The following RNF111 variants were observed in gnomAD, a reference collection of about 807,000 sequenced individuals.
RNF111 encodes the protein E3 ubiquitin-protein ligase Arkadia.
In RNF111, 17 loss-of-function variants were observed where a neutral mutation model predicts 95.1. The ratio of observed to expected loss-of-function variants is 0.18; its 90% CI spans 0.12 to 0.27. The LOEUF (loss-of-function observed/expected upper bound fraction) is 0.27. Ranked by LOEUF, RNF111 falls within the 10% of genes least tolerant of loss-of-function variation. RNF111 has a pLI of 1.00. For missense variants in RNF111, 1,189 were observed against 1,210.4 expected (o/e 0.98, Z 0.26); for synonymous variants, 440 against 414.8 (o/e 1.06, Z -0.74).
intron 2 of RNF111, among the ~76,000 whole-genome samples, chr15:59,036,556 A>C (rs1379735378): frequency 3.3e-5 from 5 of 152,154 alleles, no homozygotes; most frequent in Non-Finnish European, 7.4e-5. Flanking sequence ...TACCGTGAGA[A>C]CATGGTATGT....
In RNF111 at chr15:59,076,072, T is replaced by C; in HGVS notation, c.1805T>C (p.Phe602Ser). The change falls in exon 7 of 14, where the codon TTT (phenylalanine) becomes TCT (serine). Residue 602 changes from phenylalanine to serine, a missense_variant. By Grantham distance (155) the Phe-to-Ser change is radical. Coordinates refer to ENST00000348370, the MANE Select transcript of RNF111 (RefSeq NM_017610.8). ...CPVSSSRAAI[F>S]GHQAAAAAPS... is the part of the protein sequence containing the mutation. ...GTTTCTTCCTCCCGAGCTGCAATCT[T>C]TGGCCATCAGGCCGCTGCTGCTGCC... is the stretch of plus-strand genomic sequence containing the variant. The C allele has an allele frequency of 6.2e-7, 1 of 1,614,252 alleles. No individual in the cohort carries two copies.
rs2040371637 is a variant in RNF111, at chr15:59,022,070, G to T, written c.-19-8734G>T. Among the ~76,000 whole-genome samples, 4 of 152,036 alleles carry T rather than the reference G, an allele frequency of 2.6e-5. No homozygotes were observed. The South Asian group carries it at 8.3e-4, about 31-fold the overall frequency. On this transcript the variant is annotated intron_variant, in intron 1 of 13. Transcript: ENST00000348370. Reference sequence around the variant, plus strand: ...AGACGGGGTATCACCATGTTGGCCAGGCTGGACTCGAACTCCTGACCTAAA... The same window carrying T: ...AGACGGGGTATCACCATGTTGGCCATGCTGGACTCGAACTCCTGACCTAAA...
At chr15:59,066,238 C>T (rs1170129348) in intron 5 of RNF111, among the ~76,000 whole-genome samples, 2 of 152,178 alleles carry the variant, frequency 1.3e-5, no homozygotes, top group African/African-American at 4.8e-5. Context: ...TAAATATGAG[C>T]CTCCTGAAGA....
chr15:59,018,301 C>T (rs576688273), intron 1 of RNF111, among the ~76,000 whole-genome samples: 2 of 152,242 alleles, frequency 1.3e-5, no homozygotes, highest in Middle Eastern at 3.4e-3. Context: ...ACTGCCATTT[C>T]TGAGTTTCTG....
chr15:59,018,128 A>AATTT (rs1273820412), intron 1 of RNF111, among the ~76,000 whole-genome samples: 2 of 152,208 alleles, frequency 1.3e-5, no homozygotes, highest in Non-Finnish European at 2.9e-5. Flanking sequence ...TTTAATGAAG[A>AATTT]AAGATTTTGT....
rs182504457 is a variant in RNF111 at position 58,988,103 on chromosome 15, G to A, written c.-20+35G>A. 3 of 150,970 alleles carry A rather than the reference G, an allele frequency of 2.0e-5. No homozygotes were observed. In the East Asian group the frequency reaches 6.0e-4, roughly 30 times the overall value. 9.4% of individuals were successfully genotyped at this position (150,970 alleles called of 1,614,324 possible). On this transcript the variant is annotated intron_variant, in intron 1 of 13. Transcript: ENST00000348370. ...ACGGGGGGGGAGGGGATCCATTGGAGGCCGCGCGTGCGCGCAACGGGGGAG... is the reference window on the plus strand; with the variant it reads ...ACGGGGGGGGAGGGGATCCATTGGAAGCCGCGCGTGCGCGCAACGGGGGAG...
chr15:59,030,188 C>A (rs2040835273), intron 1 of RNF111, among the ~76,000 whole-genome samples: 2 of 152,008 alleles, frequency 1.3e-5, no homozygotes, highest in South Asian at 4.1e-4. Context: ...TGGCTCTAAT[C>A]TTTTTGTATT....
chr15:59,034,704 T>G (rs1862220838), intron 2 of RNF111, among the ~76,000 whole-genome samples: 1 of 152,244 alleles, frequency 6.6e-6, no homozygotes, highest in Non-Finnish European at 1.5e-5. Context: ...CCTAGTCATA[T>G]TTTGAGTGAT....
intron 1 of RNF111, among the ~76,000 whole-genome samples, chr15:58,994,455 C>T (rs570230690): frequency 2.8e-5 from 4 of 144,902 alleles, no homozygotes; most frequent in African/African-American, 7.6e-5. Flanking sequence ...GTCACTCTTG[C>T]TTTCTTATTT....
chr15:59,011,066 G>A (rs2039779414), intron 1 of RNF111, among the ~76,000 whole-genome samples: 1 of 152,104 alleles, frequency 6.6e-6, no homozygotes, highest in African/African-American at 2.4e-5. Context: ...TCAGAAGATT[G>A]TATTTTGTCT....
chr15:59,090,890 A>G (rs1184762858), intron 11 of RNF111, among the ~76,000 whole-genome samples, 169 bp from the exon 12 acceptor site: 1 of 152,152 alleles, frequency 6.6e-6, no homozygotes, highest in Non-Finnish European at 1.5e-5. Flanking sequence ...ACTGTTTTAT[A>G]TATATACTTA....
chr15:59,006,840 G>A (rs1054609452), intron 1 of RNF111, among the ~76,000 whole-genome samples: 2 of 152,168 alleles, frequency 1.3e-5, no homozygotes, highest in South Asian at 2.1e-4. Flanking sequence ...AGGCTGGAGT[G>A]CAATGGCATG....
In RNF111 at chr15:59,095,728, A is replaced by G; in HGVS notation, c.*828A>G. ...AATTAGCTAGATTGTACATACTTGCAGATTTAACAAAATTTTAGGGAAATT... is the reference window on the plus strand; with the variant it reads ...AATTAGCTAGATTGTACATACTTGCGGATTTAACAAAATTTTAGGGAAATT... On this transcript the variant is annotated 3_prime_UTR_variant, in exon 14 of 14. Transcript: ENST00000348370. 3.2e-6 allele frequency: 1 copy of G among 316,002 alleles called. No homozygotes were observed. Among genetic ancestry groups the G allele is most frequent in the Non-Finnish European group, 5.7e-6 (1 of 174,820 alleles). 19.6% of individuals were successfully genotyped at this position (316,002 alleles called of 1,614,324 possible).
chr15:59,056,945 T>C (rs2042223790), intron 4 of RNF111, among the ~76,000 whole-genome samples: 1 of 152,178 alleles, frequency 6.6e-6, no homozygotes, highest in Non-Finnish European at 1.5e-5. Flanking sequence ...ATTTACACTT[T>C]ACTGGGTTAA....
chr15:59,076,518 T>C (rs2078567652), intron 7 of RNF111, among the ~76,000 whole-genome samples: 1 of 152,172 alleles, frequency 6.6e-6, no homozygotes, highest in Non-Finnish European at 1.5e-5. Flanking sequence ...AACAGCAAGC[T>C]TTGGGAGTTG....
intron 1 of RNF111, among the ~76,000 whole-genome samples, chr15:59,028,289 ATGT>A (rs1229814161): frequency 6.6e-6 from 1 of 151,990 alleles, no homozygotes; most frequent in Admixed American, 6.5e-5. Flanking sequence ...TTGTTTATCC[ATGT>A]TGTAGCTTGA....
intron 10 of RNF111, among the ~76,000 whole-genome samples, chr15:59,088,837 G>A (rs1596312403): frequency 6.6e-6 from 1 of 152,326 alleles, no homozygotes; most frequent in African/African-American, 2.4e-5. Context: ...ACTCATGCGT[G>A]AATGAAACTT....
rs2078733983 is a variant in RNF111 at position 59,081,249 on chromosome 15, G to A, written c.2262G>A (p.Met754Ile). ...ATCCTCATGAAGTGATGCAGAGGAT[G>A]GAAGTTCAAAGGAGGAGGATGATGC... ...RLHPHEVMQR[M>I]EVQRRRMMQH... The change falls in exon 8 of 14, where the codon ATG (methionine) becomes ATA (isoleucine). Residue 754 changes from methionine to isoleucine, a missense_variant. Met to Ile is a conservative substitution (Grantham distance 10). This residue lies in a region of RNF111 where 1,024 missense variants were observed against 925.9 expected (regional missense o/e 1.11). Transcript: ENST00000348370. 4 of 1,614,108 alleles carry A rather than the reference G, an allele frequency of 2.5e-6. No homozygotes were observed. Among genetic ancestry groups the A allele is most frequent in the Middle Eastern group, 1.6e-4 (1 of 6,062 alleles).
intron 1 of RNF111, among the ~76,000 whole-genome samples, chr15:59,002,242 C>T (rs1164008965): frequency 6.6e-6 from 1 of 152,190 alleles, no homozygotes; most frequent in Non-Finnish European, 1.5e-5. Context: ...ATCTTCCCGC[C>T]ATTTCTCTGA....
Sources: gnomAD v4.1 joint callset for allele counts (sites outside exome capture counted in the v4.1 genomes callset) on GRCh38, gnomAD v4.1.1 for gene constraint, gnomAD v4.1.1 regional missense constraint, MANE v1.5 for transcripts, NCBI Gene and HGNC (gene_info 2026-07-23, HGNC 2026-07-21) for gene names.